The following EPHA6 variants were observed in gnomAD, a reference collection of about 807,000 sequenced individuals.
EPHA6 encodes EPH receptor A6.
Under a neutral mutation model 112.0 loss-of-function variants are expected in EPHA6, and 50 were observed. That is an observed-to-expected ratio of 0.45 (90% CI 0.36 to 0.56). The LOEUF (loss-of-function observed/expected upper bound fraction) is 0.56. EPHA6 is among the 20% of genes least tolerant of loss of function. The pLI, the probability that EPHA6 is intolerant of heterozygous loss-of-function variation, is 0.00. For missense variants in EPHA6, 1,280 were observed against 1,417.4 expected, an observed-to-expected ratio of 0.90 and a Z score of 1.56; for synonymous variants, 529 against 490.7, an observed-to-expected ratio of 1.08 and a Z score of -1.03.
rs1453020662 is a variant in EPHA6 at position 97,587,241 on chromosome 3, A to C, written c.2387-5371A>C. Among the ~76,000 whole-genome samples, 7 of 143,242 alleles carry C rather than the reference A, an allele frequency of 4.9e-5. No homozygotes were observed. The East Asian group carries it at 1.4e-3, about 29-fold the overall frequency. The allele number at this position is 143,242 out of a possible 152,430, so 94.0% of individuals were successfully genotyped here. A position where few individuals can be genotyped will look rare whatever the true frequency, so the allele number is the denominator to read the frequency against. The stretch of plus-strand genomic sequence containing the variant: ...GGGCAACAGAATGAGACTCCGTCTC[A>C]AAAAAAAAAAAAGAAACTATCTTAC... On this transcript the variant is annotated intron_variant, in intron 11 of 17. Transcript: ENST00000389672.
chr3:97,084,411 A>G (rs1206416553), intron 3 of EPHA6, among the ~76,000 whole-genome samples: 1 of 151,708 alleles, frequency 6.6e-6, no homozygotes, highest in African/African-American at 2.4e-5. Flanking sequence ...ACTCCTCTCT[A>G]TAACTTTGCT....
At chr3:96,948,765 A>G (rs965337244) in intron 2 of EPHA6, among the ~76,000 whole-genome samples, 1 of 152,156 alleles carries the variant, frequency 6.6e-6, no homozygotes, top group Non-Finnish European at 1.5e-5. Flanking sequence ...CAAAACACCT[A>G]TACCTAATTG....
At chr3:97,204,033 A>G (rs2077648820) in intron 3 of EPHA6, among the ~76,000 whole-genome samples, 1 of 152,150 alleles carries the variant, frequency 6.6e-6, no homozygotes, top group Admixed American at 6.6e-5. Flanking sequence ...ATGCATGATG[A>G]AAGGTTGTAT....
Position 97,007,493 on chromosome 3 carries a change from G to A in EPHA6, c.1114+19500G>A, listed in dbSNP as rs992914675. 5.4e-5 allele frequency among the ~76,000 whole-genome samples: 8 copies of A among 148,326 alleles called. No individual in the cohort carries two copies. The South Asian group carries it at 1.5e-3, about 28-fold the overall frequency. On this transcript the variant is annotated intron_variant, in intron 3 of 17. Coordinates refer to ENST00000389672, the MANE Select transcript of EPHA6 (RefSeq NM_001080448.3). ...CTCCATCCCTTTATTTTGAGCCTGT[G>A]TGTGTCTTTGCACACAAGATGGGTC... is the stretch of plus-strand genomic sequence containing the variant.
chr3:97,702,285 C>A (rs577409329), intron 14 of EPHA6, among the ~76,000 whole-genome samples: 1 of 152,180 alleles, frequency 6.6e-6, no homozygotes, highest in Admixed American at 6.5e-5. Flanking sequence ...TCCTTTAATG[C>A]CAAAGTGATT....
chr3:97,427,726 G>A (rs1171435285), intron 6 of EPHA6, among the ~76,000 whole-genome samples: 2 of 151,878 alleles, frequency 1.3e-5, no homozygotes, highest in African/African-American at 2.4e-5. Flanking sequence ...CATGGAATAT[G>A]ATGCAGCCAT....
intron 1 of EPHA6, among the ~76,000 whole-genome samples, chr3:96,832,932 C>A (rs1272225799): frequency 1.3e-5 from 2 of 151,762 alleles, no homozygotes; most frequent in African/African-American, 4.8e-5. Context: ...TTTATGTAAT[C>A]CTCACAACCC....
chr3:97,112,321 C>T (rs2047748041), intron 3 of EPHA6, among the ~76,000 whole-genome samples: 1 of 152,092 alleles, frequency 6.6e-6, no homozygotes, highest in Non-Finnish European at 1.5e-5. Context: ...AACAGTACAA[C>T]CATTCATGAG....
chr3:97,266,035 GAAGAA>G (rs2079670630), intron 5 of EPHA6, among the ~76,000 whole-genome samples: 1 of 152,142 alleles, frequency 6.6e-6, no homozygotes, highest in African/African-American at 2.4e-5. Context: ...CTTAAAATCT[GAAGAA>G]AAGAAAAGGG....
At chr3:96,930,796 A>G (rs2107655046) in intron 2 of EPHA6, among the ~76,000 whole-genome samples, 1 of 152,140 alleles carries the variant, frequency 6.6e-6, no homozygotes, top group South Asian at 2.1e-4. Context: ...ATTCTAGACC[A>G]GCCTGGACAA....
At chr3:96,917,684 A>G (rs2039557000) in intron 2 of EPHA6, among the ~76,000 whole-genome samples, 1 of 152,020 alleles carries the variant, frequency 6.6e-6, no homozygotes, top group South Asian at 2.1e-4. Context: ...TTGGACCCCT[A>G]AAAGCACCCA....
At chr3:97,270,464 G>A (rs1037281337) in intron 5 of EPHA6, among the ~76,000 whole-genome samples, 2 of 152,148 alleles carry the variant, frequency 1.3e-5, no homozygotes, top group Admixed American at 6.5e-5. Flanking sequence ...TGTAATCTTA[G>A]CTTGCTATAG....
intron 5 of EPHA6, among the ~76,000 whole-genome samples, chr3:97,315,122 A>G (rs1236226677): frequency 6.6e-6 from 1 of 151,224 alleles, no homozygotes; most frequent in African/African-American, 2.4e-5. Flanking sequence ...ATATAGGGAT[A>G]AATTATAATT....
chr3:97,128,355 T>C (rs1175266556), intron 3 of EPHA6, among the ~76,000 whole-genome samples: 1 of 152,224 alleles, frequency 6.6e-6, no homozygotes, highest in African/African-American at 2.4e-5. Context: ...CTTCTTTTCC[T>C]TTGGGTAGGT....
intron 2 of EPHA6, among the ~76,000 whole-genome samples, chr3:96,882,788 A>T (rs1041599267): frequency 6.7e-6 from 1 of 148,170 alleles, no homozygotes; most frequent in Admixed American, 6.9e-5. Context: ...TCATCAATCT[A>T]TGTGATATAT....
chr3:97,700,981 G>T (rs2033349386), intron 14 of EPHA6, among the ~76,000 whole-genome samples: 1 of 152,250 alleles, frequency 6.6e-6, no homozygotes, highest in South Asian at 2.1e-4. Flanking sequence ...AGTCCAGGAG[G>T]CAGGTAGGTT....
chr3:97,086,021 A>G (rs138867094), intron 3 of EPHA6, among the ~76,000 whole-genome samples: 2,239 of 147,118 alleles, frequency 0.015, 55 homozygotes, highest in African/African-American at 0.056. Context: ...TGCTACCTCT[A>G]CCTCCTGGGT....
intron 3 of EPHA6, among the ~76,000 whole-genome samples, chr3:97,208,574 C>T (rs1004821179): frequency 6.6e-6 from 1 of 151,824 alleles, no homozygotes; most frequent in Non-Finnish European, 1.5e-5. Flanking sequence ...GGTGAAACCC[C>T]GTCTCTACTA....
intron 11 of EPHA6, among the ~76,000 whole-genome samples, chr3:97,534,913 A>G (rs2092742662): frequency 6.6e-6 from 1 of 152,090 alleles, no homozygotes; most frequent in African/African-American, 2.4e-5. Flanking sequence ...TTTATGCATG[A>G]AACATCTGGA....
Sources: gnomAD v4.1 joint callset for allele counts (sites outside exome capture counted in the v4.1 genomes callset) on GRCh38, gnomAD v4.1.1 for gene constraint, MANE v1.5 for transcripts, NCBI Gene and HGNC (gene_info 2026-07-23, HGNC 2026-07-21) for gene names.